OR4N2: variants seen among roughly 807,000 people sequenced by gnomAD.
OR4N2 encodes olfactory receptor family 4 subfamily N member 2.
For missense variants in OR4N2, 307 were observed against 377.6 expected (o/e 0.81, Z 1.55); for synonymous variants, 141 against 140.4 (o/e 1.00, Z -0.03).
At chr14:19,826,234 A>T (rs4983240) in intron 1 of OR4N2, among the ~76,000 whole-genome samples, 3 of 152,036 alleles carry the variant, frequency 2.0e-5, no homozygotes, top group Admixed American at 2.0e-4. Flanking sequence ...TGAATTTTAA[A>T]TATGAATTTT....
intron 1 of OR4N2, among the ~76,000 whole-genome samples, chr14:19,825,080 A>G (rs1594402107): frequency 6.6e-6 from 1 of 152,290 alleles, no homozygotes; most frequent in South Asian, 2.1e-4. Context: ...AGACATGAGC[A>G]GAAAAGCTCA....
Position 19,829,887 on chromosome 14 carries a change from C to G in OR4N2, c.*1515C>G, listed in dbSNP as rs1321744590. 1 of 152,242 alleles carries G rather than the reference C, an allele frequency of 6.6e-6. No individual in the cohort carries two copies. The highest frequency in any genetic ancestry group is 1.5e-5 in the Non-Finnish European group (1 of 68,052). The allele number at this position is 152,242 out of a possible 1,614,324, so 9.4% of individuals were successfully genotyped here. A position where few individuals can be genotyped will look rare whatever the true frequency, so the allele number is the denominator to read the frequency against. On this transcript the variant is annotated 3_prime_UTR_variant, in exon 2 of 2. Transcript: ENST00000557677. ...TGGTCTGAATCTTCAAATAATCCTT[C>G]TCTATTCTCACTCTGTTTATTGCGT...
At chr14:19,819,417 C>T (rs571175603) in intron 1 of OR4N2, among the ~76,000 whole-genome samples, 10 of 152,336 alleles carry the variant, frequency 6.6e-5, no homozygotes, top group South Asian at 2.1e-4. Flanking sequence ...CTTGTCGTCA[C>T]GCTTTATTTC....
rs139052676 is a variant in OR4N2, at chr14:19,827,703, C to T, written c.255C>T (p.Phe85=). 6.2e-7 allele frequency: 1 copy of T among 1,614,228 alleles called. No individual in the cohort carries two copies. Among genetic ancestry groups the T allele is most frequent in the Non-Finnish European group, 8.5e-7 (1 of 1,180,040 alleles). ...FIVAPRMLVD[F]LSAKKIISYR... ...TGGCTCCCCGGATGTTGGTGGACTT[C>T]CTCTCTGCGAAGAAGATAATCTCCT... Residue 85 remains phenylalanine (F), a synonymous_variant, in exon 2 of 2, where the codon TTC becomes TTT. Coordinates refer to ENST00000557677, the MANE Select transcript of OR4N2 (RefSeq NM_001004723.3).
intron 1 of OR4N2, among the ~76,000 whole-genome samples, chr14:19,809,833 A>G (rs1431694858): frequency 3.3e-5 from 5 of 152,258 alleles, no homozygotes; most frequent in Non-Finnish European, 2.9e-5. Context: ...TTCTTATACC[A>G]TATACAAAAA....
At chr14:19,818,194 C>T (rs376687852) in intron 1 of OR4N2, among the ~76,000 whole-genome samples, 1 of 152,218 alleles carries the variant, frequency 6.6e-6, no homozygotes, top group Non-Finnish European at 1.5e-5. Context: ...TTGTAGATGT[C>T]TATTAGGTCT....
intron 1 of OR4N2, among the ~76,000 whole-genome samples, chr14:19,806,318 C>G (rs1438215921): frequency 6.6e-6 from 1 of 150,390 alleles, no homozygotes; most frequent in Non-Finnish European, 1.5e-5. Context: ...TGTCTGTTGT[C>G]TTGAAGAGAC....
At chr14:19,826,799 C>A (rs1358954671) in intron 1 of OR4N2, among the ~76,000 whole-genome samples, 1 of 152,204 alleles carries the variant, frequency 6.6e-6, no homozygotes, top group African/African-American at 2.4e-5. Flanking sequence ...ACAGCTGGAG[C>A]ACTGTGCCTG....
chr14:19,810,670 GA>G (rs1251863900), intron 1 of OR4N2, among the ~76,000 whole-genome samples: 1 of 152,128 alleles, frequency 6.6e-6, no homozygotes, highest in Non-Finnish European at 1.5e-5. Context: ...TCCTTTGCAA[GA>G]AAGAGATAAA....
At chr14:19,823,675 G>A (rs1272584086) in intron 1 of OR4N2, among the ~76,000 whole-genome samples, 1 of 151,644 alleles carries the variant, frequency 6.6e-6, no homozygotes, top group African/African-American at 2.4e-5. Context: ...AAATGTAAGG[G>A]AGAAGAAAGA....
intron 1 of OR4N2, among the ~76,000 whole-genome samples, chr14:19,819,392 T>C (rs1227457918): frequency 1.3e-5 from 2 of 152,244 alleles, no homozygotes; most frequent in East Asian, 1.9e-4. Context: ...TCCTTTTCAA[T>C]CTTTTTTCTC....
Position 19,827,887 on chromosome 14 carries a change from G to T in OR4N2, c.439G>T (p.Ala147Ser), listed in dbSNP as rs754634362. The change falls in exon 2 of 2, where the codon GCT (alanine) becomes TCT (serine). Residue 147 changes from alanine (A) to serine (S), a missense_variant. By Grantham distance (99) the Ala-to-Ser change is moderately conservative. Coordinates refer to ENST00000557677, the MANE Select transcript of OR4N2 (RefSeq NM_001004723.3). ...TAGAACCTGCTATGCAATGATGTTGGCTCTGTGGCTTGGGGGTTTTGTCCA... is the reference window on the plus strand; with the variant it reads ...TAGAACCTGCTATGCAATGATGTTGTCTCTGTGGCTTGGGGGTTTTGTCCA... ...NPRTCYAMML[A>S]LWLGGFVHSI... 1.8e-5 allele frequency: 29 copies of T among 1,614,086 alleles called. No homozygotes were observed. The highest frequency in any genetic ancestry group is 2.4e-5 in the Non-Finnish European group (28 of 1,180,036).
intron 1 of OR4N2, among the ~76,000 whole-genome samples, chr14:19,806,994 A>C (rs993816056): frequency 2.0e-5 from 3 of 152,154 alleles, no homozygotes; most frequent in African/African-American, 7.2e-5. Context: ...AAAAATCAAA[A>C]AAATTCTTTG....
intron 1 of OR4N2, among the ~76,000 whole-genome samples, chr14:19,825,862 G>A (rs996332936): frequency 1.3e-5 from 2 of 152,166 alleles, no homozygotes; most frequent in Admixed American, 6.5e-5. Context: ...CCGGCCGCTA[G>A]AGCACTTATT....
intron 1 of OR4N2, among the ~76,000 whole-genome samples, chr14:19,812,329 C>CTTTTTTT (rs3078143): frequency 4.4e-4 from 52 of 117,412 alleles, no homozygotes; most frequent in Middle Eastern, 9.3e-3. Context: ...CTTTTCTTTT[C>CTTTTTTT]TTTTTTTTTT....
At chr14:19,805,790 A>T (rs1879149517) in intron 1 of OR4N2, among the ~76,000 whole-genome samples, 1 of 152,166 alleles carries the variant, frequency 6.6e-6, no homozygotes, top group Admixed American at 6.5e-5. Flanking sequence ...CTTCAGATTC[A>T]CCACAGTTAA....
intron 1 of OR4N2, among the ~76,000 whole-genome samples, chr14:19,808,272 T>C (rs1879213966): frequency 6.6e-6 from 1 of 152,162 alleles, no homozygotes; most frequent in African/African-American, 2.4e-5. Flanking sequence ...GACATCCAAA[T>C]AGAAAAATAA....
chr14:19,812,399 G>A (rs1219066550), intron 1 of OR4N2, among the ~76,000 whole-genome samples: 2 of 141,588 alleles, frequency 1.4e-5, no homozygotes, highest in Non-Finnish European at 3.0e-5. Flanking sequence ...GCGCAATCTC[G>A]GCTCACTGCA....
At chr14:19,806,713 C>T (rs1358207644) in intron 1 of OR4N2, among the ~76,000 whole-genome samples, 1 of 152,138 alleles carries the variant, frequency 6.6e-6, no homozygotes, top group South Asian at 2.1e-4. Context: ...CTAATTGGAC[C>T]TAATAAACAT....
Sources: gnomAD v4.1 joint callset for allele counts (sites outside exome capture counted in the v4.1 genomes callset) on GRCh38, gnomAD v4.1.1 for gene constraint, MANE v1.5 for transcripts, NCBI Gene and HGNC (gene_info 2026-07-23, HGNC 2026-07-21) for gene names.